The following UST variants were observed in gnomAD, a reference collection of about 807,000 sequenced individuals.
The protein encoded by UST is chondroitin sulfate 2-O-sulfotransferase.
A neutral mutation model predicts 45.6 loss-of-function variants in UST; 21 were observed. The observed-to-expected ratio is 0.46, with a 90% CI of 0.33 to 0.66. The LOEUF (loss-of-function observed/expected upper bound fraction) is 0.66. UST is among the 30% of genes least tolerant of loss of function. UST has a pLI of 0.02. For synonymous variants in UST, 215 were observed against 200.6 expected, an observed-to-expected ratio of 1.07 and a Z score of -0.61; for missense variants, 463 against 512.4, an observed-to-expected ratio of 0.90 and a Z score of 0.93.
intron 1 of UST, among the ~76,000 whole-genome samples, chr6:148,871,019 A>G (rs1778539709): frequency 6.6e-6 from 1 of 150,802 alleles, no homozygotes. Context: ...TGATATTTGG[A>G]GGTGGGGCCT....
At chr6:148,864,114 G>A (rs1778376623) in intron 1 of UST, among the ~76,000 whole-genome samples, 1 of 152,216 alleles carries the variant, frequency 6.6e-6, no homozygotes, top group Non-Finnish European at 1.5e-5. Flanking sequence ...GGAGTCTACA[G>A]AGGCAGGCAG....
At chr6:148,916,874 C>T (rs914001140) in intron 2 of UST, among the ~76,000 whole-genome samples, 2 of 152,216 alleles carry the variant, frequency 1.3e-5, no homozygotes, top group African/African-American at 4.8e-5. Context: ...AAAACCCATC[C>T]TTGACAGAAA....
rs148342097 is a variant in UST at position 148,804,642 on chromosome 6, A to G, written c.247+56965A>G. Among the ~76,000 whole-genome samples, 17 of 152,264 alleles carry G rather than the reference A, an allele frequency of 1.1e-4. 1 individual carries two copies. The highest frequency in any genetic ancestry group is 3.9e-4 in the African/African-American group (16 of 41,552). On this transcript the variant is annotated intron_variant, in intron 1 of 7. Transcript: ENST00000367463. Reference sequence around the variant, plus strand: ...GCTGGAATTTTATCATTTGTTTTCCAATGAGTATTAAAAACATTTGTCTTT... The same window carrying G: ...GCTGGAATTTTATCATTTGTTTTCCGATGAGTATTAAAAACATTTGTCTTT...
At chr6:148,799,383 T>C (rs1416837779) in intron 1 of UST, among the ~76,000 whole-genome samples, 1 of 152,202 alleles carries the variant, frequency 6.6e-6, no homozygotes. Flanking sequence ...CTGTGTGCTT[T>C]CCTTTGTGTC....
intron 3 of UST, among the ~76,000 whole-genome samples, chr6:148,951,856 AT>A (rs1162940495): frequency 1.3e-5 from 2 of 152,116 alleles, no homozygotes; most frequent in Non-Finnish European, 1.5e-5. Context: ...CTGCTAATCC[AT>A]TTTTTTCCTC....
At chr6:148,889,318 G>C (rs1033514915) in intron 2 of UST, among the ~76,000 whole-genome samples, 2 of 152,232 alleles carry the variant, frequency 1.3e-5, no homozygotes, top group African/African-American at 4.8e-5. Context: ...TAATAGCCTA[G>C]AGAGAGTGAT....
At chr6:149,036,824 A>G (rs1582970566) in intron 7 of UST, among the ~76,000 whole-genome samples, 2 of 152,370 alleles carry the variant, frequency 1.3e-5, no homozygotes, top group East Asian at 3.9e-4. Context: ...TGACATTACC[A>G]TGATGAAGCT....
At chr6:148,828,728 T>C (rs1286780623) in intron 1 of UST, among the ~76,000 whole-genome samples, 2 of 152,240 alleles carry the variant, frequency 1.3e-5, no homozygotes, top group Non-Finnish European at 2.9e-5. Flanking sequence ...ATTATTATTA[T>C]TAAGCTTTGG....
At chr6:148,792,497 C>T (rs924455651) in intron 1 of UST, among the ~76,000 whole-genome samples, 2 of 152,092 alleles carry the variant, frequency 1.3e-5, no homozygotes, top group Non-Finnish European at 1.5e-5. Flanking sequence ...AAAAATCTTC[C>T]GAAAGGGAAC....
At chr6:148,936,730 C>T (rs1780034086) in intron 2 of UST, among the ~76,000 whole-genome samples, 1 of 152,044 alleles carries the variant, frequency 6.6e-6, no homozygotes. Flanking sequence ...AAGTATCACT[C>T]TGTCACCCAG....
At chr6:148,755,831 T>G (rs1469108927) in intron 1 of UST, among the ~76,000 whole-genome samples, 1 of 152,180 alleles carries the variant, frequency 6.6e-6, no homozygotes, top group Non-Finnish European at 1.5e-5. Flanking sequence ...TCTCTATAGT[T>G]CTGGTAATCA....
At chr6:148,818,530 T>G (rs1777397339) in intron 1 of UST, among the ~76,000 whole-genome samples, 3 of 152,210 alleles carry the variant, frequency 2.0e-5, no homozygotes, top group African/African-American at 7.2e-5. Flanking sequence ...TTCCAACATT[T>G]TAATGAGCCA....
At chr6:148,768,321 A>G (rs1776356042) in intron 1 of UST, among the ~76,000 whole-genome samples, 2 of 152,142 alleles carry the variant, frequency 1.3e-5, no homozygotes, top group Non-Finnish European at 2.9e-5. Context: ...ATTTTTCTCT[A>G]TAGATGTGTT....
At chr6:148,761,805 C>G (rs1776227842) in intron 1 of UST, among the ~76,000 whole-genome samples, 1 of 152,122 alleles carries the variant, frequency 6.6e-6, no homozygotes, top group Non-Finnish European at 1.5e-5. Flanking sequence ...TTGATATAAC[C>G]CCCGAGTGTG....
intron 2 of UST, among the ~76,000 whole-genome samples, chr6:148,899,066 C>G (rs555875972): frequency 3.2e-4 from 48 of 151,238 alleles, no homozygotes; most frequent in African/African-American, 1.2e-3. Flanking sequence ...TTAGCAGCTC[C>G]CAATATAGCA....
At chr6:148,832,419 C>T (rs1777706032) in intron 1 of UST, among the ~76,000 whole-genome samples, 1 of 152,120 alleles carries the variant, frequency 6.6e-6, no homozygotes, top group South Asian at 2.1e-4. Context: ...ATCAACTGAA[C>T]ATCTTGCTTA....
intron 2 of UST, among the ~76,000 whole-genome samples, chr6:148,903,320 A>C (rs568644592): frequency 6.6e-6 from 1 of 152,308 alleles, no homozygotes; most frequent in East Asian, 1.9e-4. Flanking sequence ...GTTGACAATA[A>C]ATACATGTCA....
rs566922392 is a variant in UST at position 148,807,880 on chromosome 6, A to G, written c.247+60203A>G. On this transcript the variant is annotated intron_variant, in intron 1 of 7. Transcript: ENST00000367463. ...GCCGTGGTTTAAAGAAGGGAATGGG[A>G]ATAAGCCCCCTGAACTCACTTTCTA... is the stretch of plus-strand genomic sequence containing the variant. Among the ~76,000 whole-genome samples the G allele has an allele frequency of 2.0e-5, 3 of 152,284 alleles. No homozygotes were observed. The South Asian group carries it at 6.2e-4, about 32-fold the overall frequency.
intron 7 of UST, among the ~76,000 whole-genome samples, chr6:149,036,772 A>T (rs145582222): frequency 6.6e-6 from 1 of 152,348 alleles, no homozygotes; most frequent in African/African-American, 2.4e-5. Context: ...AAGATCCTTT[A>T]ACGGTAATTG....
Sources: allele counts gnomAD v4.1 joint callset (sites outside exome capture counted in the v4.1 genomes callset), GRCh38; gene constraint gnomAD v4.1.1; transcripts MANE v1.5; gene names NCBI Gene and HGNC (gene_info 2026-07-23, HGNC 2026-07-21).